PGM2: variants seen among roughly 807,000 people sequenced by gnomAD.
PGM2 encodes phosphoglucomutase 2.
A neutral mutation model predicts 74.6 loss-of-function variants in PGM2; 57 were observed. The observed-to-expected ratio is 0.76, with a 90% CI of 0.62 to 0.95. The LOEUF is 0.95. Ranked by LOEUF, PGM2 falls within the 40% of genes least tolerant of loss-of-function variation. The probability of loss-of-function intolerance (pLI) is 0.00; values close to 1 mark genes in which losing one functional copy is unlikely to be tolerated. For missense variants in PGM2, 706 were observed against 741.9 expected, an observed-to-expected ratio of 0.95 and a Z score of 0.56; for synonymous variants, 273 against 260.7, an observed-to-expected ratio of 1.05 and a Z score of -0.46.
intron 13 of PGM2, among the ~76,000 whole-genome samples, chr4:37,856,973 A>G (rs189830546): frequency 6.6e-6 from 1 of 152,270 alleles, no homozygotes; most frequent in African/African-American, 2.4e-5. Flanking sequence ...AAAGTCCTCA[A>G]AATTGATTCA....
At chr4:37,842,694 A>T (rs1725763471) in intron 6 of PGM2, among the ~76,000 whole-genome samples, 1 of 150,344 alleles carries the variant, frequency 6.7e-6, no homozygotes, top group African/African-American at 2.5e-5. Context: ...AGGTTCTCAC[A>T]TTGTCACCCA....
chr4:37,837,685 T>G, intron 4 of PGM2, 72 bp downstream of exon 4: 1 of 905,198 alleles, frequency 1.1e-6, no homozygotes, highest in Non-Finnish European at 1.9e-6. Context: ...TTTTATAGTC[T>G]TTAGGGCTAT....
intron 1 of PGM2, among the ~76,000 whole-genome samples, chr4:37,827,915 G>A (rs1179778265): frequency 6.6e-6 from 1 of 152,130 alleles, no homozygotes; most frequent in African/African-American, 2.4e-5. Context: ...CATAAATTAT[G>A]TGGCCAGGCC....
Position 37,855,490 on chromosome 4 carries a change from T to C in PGM2, c.1603-118T>C, listed in dbSNP as rs1237985592. 4.7e-6 allele frequency: 4 copies of C among 858,576 alleles called. No individual in the cohort carries two copies. In the Admixed American group the frequency reaches 1.3e-4, roughly 27 times the overall value. 53.2% of individuals were successfully genotyped at this position (858,576 alleles called of 1,614,324 possible). A position where few individuals can be genotyped will look rare whatever the true frequency, so the allele number is the denominator to read the frequency against. ...ACATTTTCTGATTTCCTCCAGAATG[T>C]TTTTCTTTTCTAACCAATAGATTTG... On this transcript the variant is annotated intron_variant, in intron 12 of 13. Coordinates refer to ENST00000381967, the MANE Select transcript of PGM2 (RefSeq NM_018290.4).
chr4:37,843,056 G>T (rs948719874), intron 6 of PGM2, among the ~76,000 whole-genome samples: 7 of 152,090 alleles, frequency 4.6e-5, no homozygotes, highest in African/African-American at 1.7e-4. Flanking sequence ...AGGAAGAGTG[G>T]TTAATAGCCA....
rs924869783 is a variant in PGM2, at chr4:37,840,087, C to G, written c.547C>G (p.Gln183Glu). 1 of 1,613,670 alleles carries G rather than the reference C, an allele frequency of 6.2e-7. No individual in the cohort carries two copies. The highest frequency in any genetic ancestry group is 1.3e-5 in the African/African-American group (1 of 74,874). ...GYKVYWDNGAQIISPHDKGIS... is the reference protein window; with the variant it reads ...GYKVYWDNGAEIISPHDKGIS... ...CTAGGTCTATTGGGATAATGGAGCTCAGATCATTTCTCCTCACGATAAAGG... is the reference window on the plus strand; with the variant it reads ...CTAGGTCTATTGGGATAATGGAGCTGAGATCATTTCTCCTCACGATAAAGG... Residue 183 changes from glutamine (Q) to glutamate (E), a missense_variant, in exon 6 of 14, where the codon CAG (glutamine) becomes GAG (glutamate). Physicochemically the swap from Gln to Glu is conservative, Grantham distance 29 (BLOSUM62 2). Coordinates refer to ENST00000381967, the MANE Select transcript of PGM2 (RefSeq NM_018290.4).
At chr4:37,848,944 C>T (rs1560418582) in intron 11 of PGM2, among the ~76,000 whole-genome samples, 1 of 151,766 alleles carries the variant, frequency 6.6e-6, no homozygotes, top group Non-Finnish European at 1.5e-5. Flanking sequence ...GTGGTGGGCA[C>T]CTGTAATCCC....
intron 8 of PGM2, among the ~76,000 whole-genome samples, chr4:37,846,464 T>A (rs13128974): frequency 2.0e-5 from 3 of 152,002 alleles, no homozygotes; most frequent in African/African-American, 4.8e-5. Context: ...ATTACACATC[T>A]TTTCTCTGAT....
At chr4:37,856,341 C>T (rs562066818) in intron 13 of PGM2, among the ~76,000 whole-genome samples, 32 of 152,168 alleles carry the variant, frequency 2.1e-4, no homozygotes, top group Non-Finnish European at 4.1e-4. Flanking sequence ...GCCGAGACTG[C>T]GCCACTGCAC....
rs1245231208 is a variant in PGM2, at chr4:37,862,855, A to G, written c.*1243A>G. On this transcript the variant is annotated 3_prime_UTR_variant, in exon 14 of 14. Coordinates refer to ENST00000381967, the MANE Select transcript of PGM2 (RefSeq NM_018290.4). Reference sequence around the variant, plus strand: ...TTCGATATATTCTACAAACTGCTTTATTGTAGAAGCCATATTTATGTTTAT... The same window carrying G: ...TTCGATATATTCTACAAACTGCTTTGTTGTAGAAGCCATATTTATGTTTAT... 6.6e-6 allele frequency: 1 copy of G among 152,072 alleles called. No individual in the cohort carries two copies. The highest frequency in any genetic ancestry group is 1.5e-5 in the Non-Finnish European group (1 of 68,026). The allele number at this position is 152,072 out of a possible 1,614,324, so 9.4% of individuals were successfully genotyped here.
intron 1 of PGM2, among the ~76,000 whole-genome samples, chr4:37,827,503 G>A (rs1305860080): frequency 6.6e-6 from 1 of 151,840 alleles, no homozygotes; most frequent in African/African-American, 2.4e-5. Flanking sequence ...TTGCTGTTAG[G>A]TTTTCTCGGA....
In PGM2 at chr4:37,848,569, G is replaced by A. The variant is rs149127424; in HGVS notation, c.1330G>A (p.Ala444Thr). Residue 444 changes from alanine to threonine, a missense_variant, in exon 11 of 14, where the codon GCT becomes ACT. By Grantham distance (58) the Ala-to-Thr change is moderately conservative. Around this residue, in one of 3 missense-constraint regions of PGM2, gnomAD observed 359 missense variants for 371.1 expected, o/e 0.97. Transcript: ENST00000381967. ...FVLDKDGVSA[A>T]VISAELASFL... ...TCTGGACAAAGATGGAGTCAGTGCC[G>A]CTGTCATAAGTGCAGAGTTGGCTAG... 42 of 1,613,052 alleles carry A rather than the reference G, an allele frequency of 2.6e-5. No individual in the cohort carries two copies. Among genetic ancestry groups the A allele is most frequent in the Admixed American group, 1.7e-4 (10 of 59,994 alleles).
chr4:37,829,716 T>C lies in PGM2; in HGVS notation c.82-248T>C, dbSNP rs77657709. Among the ~76,000 whole-genome samples the C allele has an allele frequency of 1.2e-3, 179 of 152,310 alleles. 2 individuals carry two copies. The East Asian group carries it at 0.017, about 15-fold the overall frequency. ...GATTCCATTCTGGGGGTTAGACTCA[T>C]ATGCTAAAATCTCTACTTTGATTTC... On this transcript the variant is annotated intron_variant, in intron 1 of 13. Coordinates refer to ENST00000381967, the MANE Select transcript of PGM2 (RefSeq NM_018290.4).
chr4:37,849,835 A>T (rs189077174), intron 11 of PGM2, among the ~76,000 whole-genome samples: 1 of 151,964 alleles, frequency 6.6e-6, no homozygotes, highest in Non-Finnish European at 1.5e-5. Flanking sequence ...TGCCCAGGCT[A>T]GAGTGCAATG....
rs764267899 is a variant in PGM2 at position 37,850,186 on chromosome 4, A to G, written c.1415A>G (p.Tyr472Cys). ...ATGAATTTGTATTTGTTTGATAGGT[A>G]TGGCTACCATATTACTAAAGCTTCC... ...SQQLKAIYVE[Y>C]GYHITKASYF... The change falls in exon 12 of 14, where the codon TAT becomes TGT. Residue 472 changes from tyrosine to cysteine, a missense_variant and splice_region_variant. Coordinates refer to ENST00000381967, the MANE Select transcript of PGM2 (RefSeq NM_018290.4). The G allele has an allele frequency of 9.8e-6, 15 of 1,534,938 alleles. No homozygotes were observed. Among genetic ancestry groups the G allele is most frequent in the Non-Finnish European group, 1.2e-5 (14 of 1,133,380 alleles).
At chr4:37,861,416 A>G (rs1197585388) in intron 13 of PGM2, 94 bp from the exon 14 acceptor site, 2 of 744,822 alleles carry the variant, frequency 2.7e-6, no homozygotes, top group South Asian at 1.6e-5. Flanking sequence ...TCTTAAGGTT[A>G]TATTTTCATT....
At chr4:37,828,200 A>G (rs1725346292) in intron 1 of PGM2, among the ~76,000 whole-genome samples, 1 of 152,148 alleles carries the variant, frequency 6.6e-6, no homozygotes, top group Non-Finnish European at 1.5e-5. Flanking sequence ...ATTTCTGATA[A>G]CTTGTAGCTT....
chr4:37,855,462 A>T, intron 12 of PGM2, 146 bp from the exon 13 acceptor site: 1 of 635,946 alleles, frequency 1.6e-6, no homozygotes, highest in East Asian at 2.8e-5. Flanking sequence ...ATTCATGTGG[A>T]GTACATTTTC....
intron 5 of PGM2, 67 bp from the exon 6 acceptor site, chr4:37,839,999 C>G: frequency 1.3e-6 from 2 of 1,521,222 alleles, no homozygotes; most frequent in Non-Finnish European, 1.8e-6. Context: ...ATTTTTGGGA[C>G]CATAGGTAAT....
Sources: allele counts gnomAD v4.1 joint callset (sites outside exome capture counted in the v4.1 genomes callset), GRCh38; gene constraint gnomAD v4.1.1; regional missense constraint gnomAD v4.1.1; transcripts MANE v1.5; gene names NCBI Gene and HGNC (gene_info 2026-07-23, HGNC 2026-07-21).